Variants in ZNF169 observed in about 807,000 individuals in gnomAD.
ZNF169 encodes the protein zinc finger protein 169.
ZNF169 carries 11 observed loss-of-function variants against 12.0 expected under a neutral mutation model. The observed-to-expected ratio is 0.92, with a 90% CI of 0.58 to 1.52. The LOEUF is 1.52. ZNF169 is among the 40% of genes most tolerant of loss of function. The pLI is 0.00. For missense variants in ZNF169, 722 were observed against 744.0 expected, an observed-to-expected ratio of 0.97 and a Z score of 0.34; for synonymous variants, 302 against 286.5, an observed-to-expected ratio of 1.05 and a Z score of -0.55.
Position 94,262,662 on chromosome 9 carries a change from T to C in ZNF169, c.-56+3317T>C, listed in dbSNP as rs997636137. Among the ~76,000 whole-genome samples, 32 of 152,122 alleles carry C rather than the reference T, an allele frequency of 2.1e-4. 1 individual carries two copies. On this transcript the variant is annotated intron_variant, in intron 1 of 4. Transcript: ENST00000395395. ...TTTTAATAGAGACGGGGTTTTACCA[T>C]GTTGGCCAGGATGGTCTTGATCTCC...
chr9:94,282,726 G>T (rs901390348), intron 2 of ZNF169, among the ~76,000 whole-genome samples: 4 of 151,840 alleles, frequency 2.6e-5, no homozygotes, highest in African/African-American at 9.7e-5. Context: ...AATATTTGTT[G>T]TGTACAGGAG....
At chr9:94,274,741 A>G (rs944245057) in intron 1 of ZNF169, among the ~76,000 whole-genome samples, 1 of 152,164 alleles carries the variant, frequency 6.6e-6, no homozygotes, top group African/African-American at 2.4e-5. Context: ...TTTATATAAT[A>G]TTTCAGGGAG....
intron 2 of ZNF169, 86 bp from the exon 3 acceptor site, chr9:94,292,255 T>C (rs1374943059): frequency 2.2e-5 from 36 of 1,611,006 alleles, no homozygotes; most frequent in Non-Finnish European, 3.0e-5. Context: ...GGACTGCTTC[T>C]TTCTGCCTTG....
intron 2 of ZNF169, among the ~76,000 whole-genome samples, chr9:94,282,980 T>A (rs1041334125): frequency 1.3e-5 from 2 of 152,206 alleles, no homozygotes; most frequent in Non-Finnish European, 2.9e-5. Flanking sequence ...CCATTAGGAG[T>A]TATTCCCCAT....
At chr9:94,291,823 A>G (rs2118640412) in intron 2 of ZNF169, among the ~76,000 whole-genome samples, 1 of 152,344 alleles carries the variant, frequency 6.6e-6, no homozygotes, top group African/African-American at 2.4e-5. Context: ...GAAATCATAG[A>G]CGGTCTAAAC....
intron 1 of ZNF169, among the ~76,000 whole-genome samples, chr9:94,259,921 A>G (rs997174358): frequency 1.3e-5 from 2 of 152,014 alleles, no homozygotes; most frequent in Admixed American, 1.3e-4. Flanking sequence ...TATTTTTGAA[A>G]CAGAGTCTCT....
chr9:94,282,695 T>C (rs181056313), intron 2 of ZNF169, among the ~76,000 whole-genome samples: 81 of 152,310 alleles, frequency 5.3e-4, no homozygotes, highest in Admixed American at 1.0e-3. Flanking sequence ...AACCCCTTCA[T>C]TGAATCTTAA....
chr9:94,272,353 A>G (rs147540953), intron 1 of ZNF169, among the ~76,000 whole-genome samples: 3 of 152,238 alleles, frequency 2.0e-5, no homozygotes, highest in African/African-American at 7.2e-5. Context: ...AGTATACTGT[A>G]TAATATTGTT....
At chr9:94,279,966 T>C (rs1310629405) in intron 2 of ZNF169, among the ~76,000 whole-genome samples, 2 of 152,274 alleles carry the variant, frequency 1.3e-5, no homozygotes, top group Non-Finnish European at 2.9e-5. Context: ...TGTAGCTGAA[T>C]GGAATTAACA....
intron 4 of ZNF169, chr9:94,296,900 A>G: frequency 2.2e-6 from 1 of 445,186 alleles, no homozygotes; most frequent in Non-Finnish European, 4.5e-6. Context: ...AAAAAAAACT[A>G]GCCGAGTGTG....
intron 2 of ZNF169, among the ~76,000 whole-genome samples, chr9:94,287,506 AGGCGCCCGCCACCACACCT>A (rs2118627166): frequency 6.6e-6 from 1 of 152,104 alleles, no homozygotes; most frequent in South Asian, 2.1e-4. Flanking sequence ...CTGGGACTAC[AGGCGCCCGCCACCACACCT>A]GGCTAACTTT....
intron 4 of ZNF169, chr9:94,295,398 T>C (rs1199578475): frequency 6.6e-6 from 1 of 152,232 alleles, no homozygotes; most frequent in Non-Finnish European, 1.5e-5. Flanking sequence ...TTATAAGATA[T>C]GTTTTTTAAG....
Position 94,301,443 on chromosome 9 carries a change from G to T in ZNF169, c.*73G>T. The T allele has an allele frequency of 8.6e-7, 1 of 1,159,818 alleles. No individual in the cohort carries two copies. Among genetic ancestry groups the T allele is most frequent in the South Asian group, 2.0e-5 (1 of 50,446 alleles). 71.8% of individuals were successfully genotyped at this position (1,159,818 alleles called of 1,614,324 possible). On this transcript the variant is annotated 3_prime_UTR_variant, in exon 5 of 5. Transcript: ENST00000395395. The stretch of plus-strand genomic sequence containing the variant: ...TGCTTCAGTTTCCTGAAATGGAATG[G>T]AAAAAAAAAAATGTTGCTTTCTTTC...
In ZNF169 at chr9:94,300,860, G is replaced by T. The variant is rs1564095069; in HGVS notation, c.1302G>T (p.Gln434His). The T allele has an allele frequency of 1.2e-6, 2 of 1,613,972 alleles. No homozygotes were observed. The highest frequency in any genetic ancestry group is 2.2e-5 in the East Asian group (1 of 44,868). ...GGGAGAAGCCTTACCTGTGCCCCCA[G>T]TGTGGGCGGGGTTTTAGCCAGAAGG... ...HTGEKPYLCP[Q>H]CGRGFSQKVT... Residue 434 changes from glutamine to histidine, a missense_variant, in exon 5 of 5, where the codon CAG becomes CAT. Physicochemically the swap from Gln to His is conservative, Grantham distance 24. Coordinates refer to ENST00000395395, the MANE Select transcript of ZNF169 (RefSeq NM_194320.4).
chr9:94,274,192 T>C (rs1351853542), intron 1 of ZNF169, among the ~76,000 whole-genome samples: 1 of 152,140 alleles, frequency 6.6e-6, no homozygotes, highest in African/African-American at 2.4e-5. Flanking sequence ...TCTAATGACC[T>C]CATTTTTACT....
chr9:94,285,643 C>T (rs1018626903), intron 2 of ZNF169, among the ~76,000 whole-genome samples: 6 of 151,858 alleles, frequency 4.0e-5, no homozygotes, highest in Admixed American at 6.6e-5. Flanking sequence ...AAAATCATCC[C>T]GAAAGCAGCC....
In ZNF169 at chr9:94,301,320, C is replaced by G. The variant is rs139811483; in HGVS notation, c.1762C>G (p.His588Asp). The change falls in exon 5 of 5, where the codon CAC becomes GAC. Residue 588 changes from histidine to aspartate, a missense_variant. Physicochemically the swap from His to Asp is moderately conservative, Grantham distance 81 (BLOSUM62 -1). Transcript: ENST00000395395. The part of the protein sequence containing the change: ...GFSQKSHLHR[H>D]RRTKSGHQLL... ...TAGCCAGAAGTCTCACTTGCATAGA[C>G]ACAGGAGGACCAAGTCTGGTCATCA... The G allele has an allele frequency of 6.2e-7, 1 of 1,614,156 alleles. No individual in the cohort carries two copies. The highest frequency in any genetic ancestry group is 8.5e-7 in the Non-Finnish European group (1 of 1,180,002).
At chr9:94,295,746 A>G (rs1269413476) in intron 4 of ZNF169, 1 of 152,242 alleles carries the variant, frequency 6.6e-6, no homozygotes, top group Non-Finnish European at 1.5e-5. Context: ...ATTGCTGAGT[A>G]TTCCTTTATA....
chr9:94,299,769 C>A, intron 4 of ZNF169, 46 bp from the exon 5 acceptor site: 1 of 1,555,128 alleles, frequency 6.4e-7, no homozygotes, highest in Non-Finnish European at 8.7e-7. Flanking sequence ...GTATTACAAT[C>A]CATGGTCACC....
Sources: gnomAD v4.1 joint callset for allele counts (sites outside exome capture counted in the v4.1 genomes callset) on GRCh38, gnomAD v4.1.1 for gene constraint, MANE v1.5 for transcripts, NCBI Gene and HGNC (gene_info 2026-07-23, HGNC 2026-07-21) for gene names.